Variants in ARFGEF1 observed in about 807,000 individuals in gnomAD.
ARFGEF1 encodes ARF guanine nucleotide exchange factor 1.
ARFGEF1 carries 42 observed loss-of-function variants against 231.0 expected under a neutral mutation model. The observed-to-expected ratio is 0.18, with a 90% CI of 0.14 to 0.24. ARFGEF1 has a LOEUF of 0.24. ARFGEF1 is among the 10% of genes least tolerant of loss of function. ARFGEF1 has a pLI of 1.00. For synonymous variants in ARFGEF1, 710 were observed against 732.3 expected, an observed-to-expected ratio of 0.97 and a Z score of 0.49; for missense variants, 1,345 against 2,192.0, an observed-to-expected ratio of 0.61 and a Z score of 7.72.
intron 1 of ARFGEF1, among the ~76,000 whole-genome samples, chr8:67,330,589 T>A (rs1033588931): frequency 2.2e-4 from 34 of 152,166 alleles, no homozygotes; most frequent in African/African-American, 7.7e-4. Flanking sequence ...CTATAAAAAA[T>A]TTTTTCTCTA....
chr8:67,270,632 T>C (rs1412612126), intron 10 of ARFGEF1, among the ~76,000 whole-genome samples: 3 of 150,624 alleles, frequency 2.0e-5, no homozygotes, highest in African/African-American at 7.4e-5. Flanking sequence ...GAAAAAAGCA[T>C]TCATTAAATT....
chr8:67,221,875 A>G (rs923081855), intron 29 of ARFGEF1, among the ~76,000 whole-genome samples: 3 of 148,070 alleles, frequency 2.0e-5, no homozygotes, highest in Non-Finnish European at 3.0e-5. Flanking sequence ...GTGCAGTGGC[A>G]TGATCTCTGC....
Position 67,222,231 on chromosome 8 carries a change from G to GTATGTA in ARFGEF1, c.4208+2666_4208+2671dup, listed in dbSNP as rs1563846591. Among the ~76,000 whole-genome samples, 3 of 88,664 alleles carry GTATGTA rather than the reference G, an allele frequency of 3.4e-5. No individual in the cohort carries two copies. In the Admixed American group the frequency reaches 3.6e-4, roughly 11 times the overall value. The allele number at this position is 88,664 out of a possible 152,430, so 58.2% of individuals were successfully genotyped here. A position where few individuals can be genotyped will look rare whatever the true frequency, so the allele number is the denominator to read the frequency against. ...CACACACATATATATATATGTATAT[G>GTATGTA]TATGTATGTATGTATGTATGTATGT... On this transcript the variant is annotated intron_variant, in intron 29 of 38. Coordinates refer to ENST00000262215, the MANE Select transcript of ARFGEF1 (RefSeq NM_006421.5).
At chr8:67,337,915 TGAG>T (rs1808422435) in intron 1 of ARFGEF1, among the ~76,000 whole-genome samples, 3 of 152,210 alleles carry the variant, frequency 2.0e-5, no homozygotes, top group Admixed American at 2.0e-4. Context: ...CTGGAACATA[TGAG>T]GAGTTCAACA....
intron 5 of ARFGEF1, among the ~76,000 whole-genome samples, chr8:67,296,062 ACT>A (rs1456305914): frequency 2.0e-5 from 3 of 152,190 alleles, no homozygotes; most frequent in Admixed American, 6.6e-5. Context: ...ATGGAAATAT[ACT>A]TTTTTAAGGC....
chr8:67,326,232 T>C (rs1807827168), intron 1 of ARFGEF1, among the ~76,000 whole-genome samples: 1 of 151,926 alleles, frequency 6.6e-6, no homozygotes. Context: ...AAAAAGAACA[T>C]CTATGACTCA....
At chr8:67,182,129 A>G (rs1463842471) in intron 5 of ARFGEF1, among the ~76,000 whole-genome samples, 2 of 152,068 alleles carry the variant, frequency 1.3e-5, no homozygotes, top group African/African-American at 4.8e-5. Context: ...CAGCCTCCCA[A>G]GTAGCTGAGA....
intron 35 of ARFGEF1, among the ~76,000 whole-genome samples, chr8:67,204,400 G>A (rs906836735): frequency 1.3e-5 from 2 of 151,958 alleles, no homozygotes; most frequent in African/African-American, 2.4e-5. Context: ...CTGCTTCCCC[G>A]TGCCTCCCCA....
rs1808757145 is a variant in ARFGEF1, at chr8:67,343,449, G to A, written c.-162C>T. 1 of 1,362,942 alleles carries A rather than the reference G, an allele frequency of 7.3e-7. No homozygotes were observed. Among genetic ancestry groups the A allele is most frequent in the African/African-American group, 1.5e-5 (1 of 68,272 alleles). The allele number at this position is 1,362,942 out of a possible 1,614,324, so 84.4% of individuals were successfully genotyped here. On this transcript the variant is annotated 5_prime_UTR_variant, in exon 1 of 39. Coordinates refer to ENST00000262215, the MANE Select transcript of ARFGEF1 (RefSeq NM_006421.5). ...CAGGATCAGGAAGGGGCGGGCGAGCGGGACCAGCCGCGGTGTCGGCGAAGG... is the reference window on the plus strand; with the variant it reads ...CAGGATCAGGAAGGGGCGGGCGAGCAGGACCAGCCGCGGTGTCGGCGAAGG...
chr8:67,289,367 AAC>A (rs1244434636), intron 6 of ARFGEF1, among the ~76,000 whole-genome samples: 2 of 152,002 alleles, frequency 1.3e-5, no homozygotes, highest in African/African-American at 4.8e-5. Context: ...CAGCCTGGGC[AAC>A]ACAGTGAGAC....
At chr8:67,191,571 A>G (rs1836263515) in intron 5 of ARFGEF1, among the ~76,000 whole-genome samples, 1 of 152,224 alleles carries the variant, frequency 6.6e-6, no homozygotes, top group African/African-American at 2.4e-5. Context: ...TTTCTTTTGA[A>G]GGTCATTCAT....
chr8:67,184,804 C>T lies in ARFGEF1; in HGVS notation c.561-9232G>A, dbSNP rs558213342. Among the ~76,000 whole-genome samples the T allele has an allele frequency of 7.5e-5, 11 of 146,190 alleles. No homozygotes were observed. The East Asian group carries it at 2.2e-3, about 29-fold the overall frequency. On this transcript the variant is annotated intron_variant, in intron 5 of 5. Transcript: ENST00000518789. The stretch of plus-strand genomic sequence containing the variant: ...GGCATATCACTACAGGTCCCATGAA[C>T]GTTAAAAACAGTCGGCCGGGCACGG...
At chr8:67,201,040 G>A (rs1838307416) in intron 37 of ARFGEF1, among the ~76,000 whole-genome samples, 1 of 152,198 alleles carries the variant, frequency 6.6e-6, no homozygotes, top group African/African-American at 2.4e-5. Context: ...TTTCTGAATG[G>A]CATGTTTCAT....
At chr8:67,290,666 AAAAT>A (rs1413082322) in intron 6 of ARFGEF1, among the ~76,000 whole-genome samples, 3 of 152,198 alleles carry the variant, frequency 2.0e-5, no homozygotes, top group African/African-American at 7.2e-5. Context: ...TATAAACAAA[AAAAT>A]AAATAAAGTC....
chr8:67,175,476 GC>G, downstream of ARFGEF1: 1 of 1,610,556 alleles, frequency 6.2e-7, no homozygotes, highest in Non-Finnish European at 8.5e-7. Context: ...GTATCAGCAC[GC>G]TGTTTTTCCG....
chr8:67,250,754 T>C (rs1369148728), intron 19 of ARFGEF1, among the ~76,000 whole-genome samples: 2 of 152,250 alleles, frequency 1.3e-5, no homozygotes, highest in Non-Finnish European at 2.9e-5. Flanking sequence ...CACTGCTTAC[T>C]CACTCTGGAA....
chr8:67,248,155 G>T (rs1332326181), intron 19 of ARFGEF1, among the ~76,000 whole-genome samples: 1 of 149,800 alleles, frequency 6.7e-6, no homozygotes, highest in Admixed American at 6.6e-5. Context: ...AATTTATATG[G>T]AATCAAAAAA....
In ARFGEF1 at chr8:67,198,573, AGTTGTACT is replaced by A; in HGVS notation, c.*353_*360del. 9.8e-7 allele frequency: 1 copy of A among 1,018,756 alleles called. No individual in the cohort carries two copies. The highest frequency in any genetic ancestry group is 1.2e-6 in the Non-Finnish European group (1 of 852,234). 63.1% of individuals were successfully genotyped at this position (1,018,756 alleles called of 1,614,324 possible). A position where few individuals can be genotyped will look rare whatever the true frequency, so the allele number is the denominator to read the frequency against. ...TATCCTTCAAAATACAGCTCTCCTG[AGTTGTACT>A]TCTTGTAGAAGTTCAATCTTTACAT... On this transcript the variant is annotated 3_prime_UTR_variant, in exon 39 of 39. Transcript: ENST00000262215.
At chr8:67,217,734 T>A (rs1182329933) in intron 32 of ARFGEF1, 48 bp downstream of exon 32, 1 of 1,583,556 alleles carries the variant, frequency 6.3e-7, no homozygotes, top group South Asian at 1.1e-5. Flanking sequence ...ACTCTCCAAC[T>A]CATTCAATAT....
Sources: gnomAD v4.1 joint callset for allele counts (sites outside exome capture counted in the v4.1 genomes callset) on GRCh38, gnomAD v4.1.1 for gene constraint, MANE v1.5 for transcripts, NCBI Gene and HGNC (gene_info 2026-07-23, HGNC 2026-07-21) for gene names.